Variants in MTMR7 observed in about 807,000 individuals in gnomAD.
MTMR7 encodes the protein myotubularin related protein 7.
Under a neutral mutation model 81.2 loss-of-function variants are expected in MTMR7, and 76 were observed. The ratio of observed to expected loss-of-function variants is 0.94; its 90% CI spans 0.78 to 1.13. MTMR7 has a LOEUF of 1.13. Among genes scored for constraint, MTMR7 ranks in the 50% most tolerant of loss-of-function variants. MTMR7 has a pLI of 0.00. For synonymous variants in MTMR7, 372 were observed against 289.8 expected, an observed-to-expected ratio of 1.28 and a Z score of -2.88; for missense variants, 1,044 against 820.0, an observed-to-expected ratio of 1.27 and a Z score of -3.34.
intron 1 of MTMR7, among the ~76,000 whole-genome samples, chr8:17,412,236 G>T (rs1034479632): frequency 1.3e-5 from 2 of 152,050 alleles, no homozygotes; most frequent in Non-Finnish European, 2.9e-5. Context: ...CAAAATTTAG[G>T]AATCAATTCT....
intron 7 of MTMR7, among the ~76,000 whole-genome samples, chr8:17,321,303 G>C (rs773717898): frequency 6.6e-6 from 1 of 152,218 alleles, no homozygotes. Context: ...CAGAGAGAAT[G>C]TCCCCACGCT....
At position 17,331,230 on chromosome 8, in the gene MTMR7, T is replaced by C. The variant is rs771945326; in HGVS notation, c.785A>G (p.Asn262Ser). ...AAACTGAAACTTGATATTGGAATAA[T>C]TGTCTTCATTCTCATAGCCTTTCCC... ...AAGKGYENED[N>S]YSNIKFQFIG... The change falls in exon 7 of 14, where the codon AAT becomes AGT. Residue 262 changes from asparagine to serine, a missense_variant. Asn to Ser is a conservative substitution (Grantham distance 46). Coordinates refer to ENST00000180173, the MANE Select transcript of MTMR7 (RefSeq NM_004686.5). The C allele has an allele frequency of 3.7e-6, 6 of 1,612,566 alleles. No individual in the cohort carries two copies. Among genetic ancestry groups the C allele is most frequent in the South Asian group, 2.2e-5 (2 of 90,754 alleles).
intron 1 of MTMR7, among the ~76,000 whole-genome samples, chr8:17,394,838 G>A (rs548620173): frequency 5.3e-5 from 8 of 152,088 alleles, no homozygotes; most frequent in African/African-American, 1.9e-4. Context: ...TTAAGTATTA[G>A]TTCATTCGAC....
At chr8:17,371,010 A>G (rs779899190) in intron 3 of MTMR7, 27 bp downstream of exon 3, 10 of 1,599,344 alleles carry the variant, frequency 6.3e-6, no homozygotes, top group Non-Finnish European at 7.7e-6. Context: ...GAGGTTCCAT[A>G]TTAAATGCCG....
intron 5 of MTMR7, among the ~76,000 whole-genome samples, chr8:17,344,540 G>C (rs183724994): frequency 1.6e-3 from 236 of 152,238 alleles, no homozygotes; most frequent in African/African-American, 5.5e-3. Context: ...GAACATGGGA[G>C]GTAGAGGCTG....
At position 17,373,109 on chromosome 8, in the gene MTMR7, A is replaced by C. The variant is rs1413050611; in HGVS notation, c.147+9T>G. 13 of 1,610,494 alleles carry C rather than the reference A, an allele frequency of 8.1e-6. No homozygotes were observed. The highest frequency in any genetic ancestry group is 1.0e-5 in the Non-Finnish European group (12 of 1,179,040). On this transcript the variant is annotated intron_variant, in intron 2 of 13. Transcript: ENST00000180173. ...AAAACAAGGAAAGCTAAAAATAAAG[A>C]AAGCATACCCATGTTTCTTTTCTTG...
chr8:17,300,115 T>G lies in MTMR7; in HGVS notation c.1730A>C (p.Asn577Thr), dbSNP rs781461737. The G allele has an allele frequency of 6.2e-7, 1 of 1,614,042 alleles. No homozygotes were observed. The highest frequency in any genetic ancestry group is 1.3e-5 in the African/African-American group (1 of 74,900). The change falls in exon 14 of 14, where the codon AAC becomes ACC. Residue 577 changes from asparagine to threonine, a missense_variant. Transcript: ENST00000180173. ...ATTCCCACTGTAATCCTGGGGAGTG[T>G]TGGCTATGCTGTTGTCTGAGGTAGA... Reference protein sequence around the residue: ...GFSTSDNSIANTPQDYSGNMK... With the variant: ...GFSTSDNSIATTPQDYSGNMK...
chr8:17,409,387 G>A (rs1005030568), intron 1 of MTMR7, among the ~76,000 whole-genome samples: 7 of 151,992 alleles, frequency 4.6e-5, no homozygotes, highest in Non-Finnish European at 1.0e-4. Flanking sequence ...CTGAACCCAG[G>A]AGATGGAGTC....
chr8:17,296,999 A>G lies in MTMR7; in HGVS notation c.*2863T>C, dbSNP rs370799164. 1.5e-3 allele frequency: 228 copies of G among 152,298 alleles called. 1 individual carries two copies. Among genetic ancestry groups the G allele is most frequent in the African/African-American group, 5.2e-3 (217 of 41,590 alleles). 9.4% of individuals were successfully genotyped at this position (152,298 alleles called of 1,614,324 possible). A position where few individuals can be genotyped will look rare whatever the true frequency, so the allele number is the denominator to read the frequency against. ...AGAATCTGCATTTGAATATGCCCGT[A>G]TGAATGTGGGTTCTGTTTTTGCAAC... On this transcript the variant is annotated 3_prime_UTR_variant, in exon 14 of 14. Coordinates refer to ENST00000180173, the MANE Select transcript of MTMR7 (RefSeq NM_004686.5).
intron 9 of MTMR7, among the ~76,000 whole-genome samples, chr8:17,311,117 A>T (rs1817757959): frequency 6.6e-6 from 1 of 152,222 alleles, no homozygotes; most frequent in African/African-American, 2.4e-5. Flanking sequence ...GACTTTTGGC[A>T]TACACAATAT....
Position 17,300,130 on chromosome 8 carries a change from T to A in MTMR7, c.1715A>T (p.Asp572Val). 2 of 1,614,160 alleles carry A rather than the reference T, an allele frequency of 1.2e-6. No individual in the cohort carries two copies. Among genetic ancestry groups the A allele is most frequent in the Non-Finnish European group, 1.7e-6 (2 of 1,180,004 alleles). ...CTGGGGAGTGTTGGCTATGCTGTTG[T>A]CTGAGGTAGAAAACCCTGAGTGCTT... The part of the protein sequence containing the change: ...PSKHSGFSTS[D>V]NSIANTPQDY... The change falls in exon 14 of 14, where the codon GAC becomes GTC. Residue 572 changes from aspartate (D) to valine (V), a missense_variant. Asp to Val is a radical substitution (Grantham distance 152). Transcript: ENST00000180173.
intron 12 of MTMR7, among the ~76,000 whole-genome samples, chr8:17,303,988 T>A (rs1188046203): frequency 6.6e-6 from 1 of 152,222 alleles, no homozygotes; most frequent in Non-Finnish European, 1.5e-5. Flanking sequence ...TGCCTTTTTG[T>A]TGTATAACGG....
chr8:17,304,554 T>C (rs773758056), intron 11 of MTMR7, 35 bp from the exon 12 acceptor site: 3 of 1,599,064 alleles, frequency 1.9e-6, no homozygotes, highest in Non-Finnish European at 2.6e-6. Flanking sequence ...AAATGACCTA[T>C]TTTGGTGCTT....
chr8:17,406,743 G>T (rs1821594592), intron 1 of MTMR7, among the ~76,000 whole-genome samples: 1 of 152,074 alleles, frequency 6.6e-6, no homozygotes, highest in African/African-American at 2.4e-5. Context: ...TCCCTCAACT[G>T]ATAAATGTAT....
intron 12 of MTMR7, among the ~76,000 whole-genome samples, chr8:17,304,105 C>G (rs1170934328): frequency 6.6e-6 from 1 of 152,142 alleles, no homozygotes; most frequent in African/African-American, 2.4e-5. Flanking sequence ...CTTTCATTTG[C>G]TTTTAAAAAA....
chr8:17,311,904 C>G (rs1311682910), intron 8 of MTMR7: 1 of 377,822 alleles, frequency 2.6e-6, no homozygotes, highest in Non-Finnish European at 4.8e-6. Context: ...CATAAGCATT[C>G]GTCCTATGCA....
At chr8:17,384,329 T>G (rs532275628) in intron 1 of MTMR7, among the ~76,000 whole-genome samples, 1 of 152,292 alleles carries the variant, frequency 6.6e-6, no homozygotes, top group South Asian at 2.1e-4. Context: ...GCAGATGGTT[T>G]GAGCCCAGGA....
chr8:17,363,713 G>A (rs1385098757), intron 3 of MTMR7, among the ~76,000 whole-genome samples: 4 of 152,030 alleles, frequency 2.6e-5, no homozygotes, highest in Admixed American at 2.6e-4. Context: ...GTCAATATGG[G>A]CAAGCTTCTT....
rs1299336387 is a variant in MTMR7, at chr8:17,371,064, T to G, written c.283A>C (p.Ile95Leu). The change falls in exon 3 of 14, where the codon ATC becomes CTC. Residue 95 changes from isoleucine (I) to leucine (L), a missense_variant. Physicochemically the swap from Ile to Leu is conservative, Grantham distance 5. Transcript: ENST00000180173. ...PQERDCHDVYISLIRLARPVK... is the reference protein window; with the variant it reads ...PQERDCHDVYLSLIRLARPVK... Reference sequence around the variant, plus strand: ...GGCCTTGCAAGGCGTATCAGGGAGATGTACACGTCGTGGCAATCTCTTTCC... The same window carrying G: ...GGCCTTGCAAGGCGTATCAGGGAGAGGTACACGTCGTGGCAATCTCTTTCC... 3 of 1,614,098 alleles carry G rather than the reference T, an allele frequency of 1.9e-6. No homozygotes were observed. The East Asian group carries it at 6.7e-5, about 36-fold the overall frequency.
Sources: allele counts gnomAD v4.1 joint callset (sites outside exome capture counted in the v4.1 genomes callset), GRCh38; gene constraint gnomAD v4.1.1; transcripts MANE v1.5; gene names NCBI Gene and HGNC (gene_info 2026-07-23, HGNC 2026-07-21).